The following DNAH14 variants were observed in gnomAD, a reference collection of about 807,000 sequenced individuals.
DNAH14 encodes the protein dynein axonemal heavy chain 14.
A neutral mutation model predicts 520.9 loss-of-function variants in DNAH14; 478 were observed. The observed-to-expected ratio is 0.92, with a 90% CI of 0.85 to 0.99. DNAH14 has a LOEUF of 0.99. Ranked by LOEUF, DNAH14 falls within the 50% of genes least tolerant of loss-of-function variation. DNAH14 has a pLI of 0.00. For missense variants in DNAH14, 4,831 were observed against 5,234.5 expected, an observed-to-expected ratio of 0.92 and a Z score of 2.38; for synonymous variants, 1,581 against 1,757.2, an observed-to-expected ratio of 0.90 and a Z score of 2.51.
At chr1:225,020,105 C>T (rs1361176958) in intron 10 of DNAH14, among the ~76,000 whole-genome samples, 2 of 151,942 alleles carry the variant, frequency 1.3e-5, no homozygotes, top group African/African-American at 4.8e-5. Context: ...GTTTGATAGC[C>T]TGGTGCCTAG....
intron 52 of DNAH14, among the ~76,000 whole-genome samples, chr1:225,274,197 ATTTTTTTTT>A (rs869247051): frequency 0.042 from 3,864 of 93,032 alleles, 178 homozygotes; most frequent in African/African-American, 0.14. Flanking sequence ...AGCATCTGTT[ATTTTTTTTT>A]TTTTTTTTTT....
intron 64 of DNAH14, among the ~76,000 whole-genome samples, chr1:225,330,028 A>G (rs2094760309): frequency 6.6e-6 from 1 of 152,216 alleles, no homozygotes; most frequent in Non-Finnish European, 1.5e-5. Context: ...AGACATACCA[A>G]TGGCAAAAAG....
Position 225,240,704 on chromosome 1 carries a change from A to C in DNAH14, c.6630A>C (p.Glu2210Asp). Reference sequence around the variant, plus strand: ...CATTTGGAGGAGCTTTAAACCGTGAAGATGAACACAGAGAAAATATACCAT... The same window carrying C: ...CATTTGGAGGAGCTTTAAACCGTGACGATGAACACAGAGAAAATATACCAT... ...TWAFGGALNR[E>D]DEHRENIPFC... Residue 2210 changes from glutamate (E) to aspartate (D), a missense_variant, in exon 43 of 86, where the codon GAA (glutamate) becomes GAC (aspartate). By Grantham distance (45) the Glu-to-Asp change is conservative (BLOSUM62 2). Coordinates refer to ENST00000682510, the MANE Select transcript of DNAH14 (RefSeq NM_001367479.1). 1 of 1,551,126 alleles carries C rather than the reference A, an allele frequency of 6.4e-7. No homozygotes were observed. Among genetic ancestry groups the C allele is most frequent in the South Asian group, 1.2e-5 (1 of 84,040 alleles).
chr1:225,332,971 T>C (rs889126174), intron 65 of DNAH14, among the ~76,000 whole-genome samples: 5 of 152,186 alleles, frequency 3.3e-5, no homozygotes, highest in African/African-American at 1.2e-4. Flanking sequence ...GCCACTGCAC[T>C]CCAGCCTAGG....
At chr1:225,199,386 T>C (rs2086534554) in intron 38 of DNAH14, among the ~76,000 whole-genome samples, 1 of 152,150 alleles carries the variant, frequency 6.6e-6, no homozygotes, top group Admixed American at 6.5e-5. Context: ...AGATTTGGGT[T>C]TGGTTTGTTC....
At chr1:225,335,544 C>CATATATACATATATACATAT (rs770315671) in intron 66 of DNAH14, among the ~76,000 whole-genome samples, 1 of 75,734 alleles carries the variant, frequency 1.3e-5, no homozygotes, top group Non-Finnish European at 2.4e-5. Context: ...TACATATATA[C>CATATATACATATATACATAT]GTATATACAT....
chr1:225,069,635 C>G (rs2071311245), intron 17 of DNAH14, among the ~76,000 whole-genome samples: 1 of 152,026 alleles, frequency 6.6e-6, no homozygotes, highest in Non-Finnish European at 1.5e-5. Context: ...GACTTTTGCA[C>G]TGGTGTTCAT....
chr1:225,312,389 A>G (rs1480961632), intron 60 of DNAH14, among the ~76,000 whole-genome samples: 5 of 152,130 alleles, frequency 3.3e-5, no homozygotes, highest in Admixed American at 2.0e-4. Flanking sequence ...GTCATCTGCA[A>G]ACAGAGACAA....
At chr1:224,972,707 C>T (rs1276859330) in intron 7 of DNAH14, among the ~76,000 whole-genome samples, 14 of 152,108 alleles carry the variant, frequency 9.2e-5, no homozygotes, top group Non-Finnish European at 1.5e-4. Context: ...CCTTGTGATC[C>T]GCCTGCCTTG....
At chr1:225,350,742 G>A (rs1390562168) in intron 71 of DNAH14, among the ~76,000 whole-genome samples, 4 of 151,312 alleles carry the variant, frequency 2.6e-5, no homozygotes, top group Admixed American at 6.6e-5. Context: ...AGATTGAACT[G>A]GTAATCAAAC....
At chr1:225,335,379 A>ACATGTGTG (rs1558428129) in intron 66 of DNAH14, among the ~76,000 whole-genome samples, 16 of 44,512 alleles carry the variant, frequency 3.6e-4, no homozygotes, top group South Asian at 9.0e-4. Flanking sequence ...ATGTGTGTGT[A>ACATGTGTG]TATGCACATA....
At chr1:225,078,843 CCTCTCTCTCTCTCTCCCTCTCTCT>C (rs1558883818) in intron 17 of DNAH14, among the ~76,000 whole-genome samples, 3,621 of 52,256 alleles carry the variant, frequency 0.069, 212 homozygotes, top group South Asian at 0.15. Context: ...TCTCTCTCTC[CCTCTCTCTCTCTCTCCCTCTCTCT>C]CTCTCTCTCT....
At chr1:225,356,688 C>A (rs762520990) in intron 73 of DNAH14, among the ~76,000 whole-genome samples, 11 of 152,066 alleles carry the variant, frequency 7.2e-5, no homozygotes, top group Non-Finnish European at 1.3e-4. Context: ...GAAGGAGCCA[C>A]AAGAAACAAT....
chr1:225,225,584 G>A (rs115055289), intron 41 of DNAH14, among the ~76,000 whole-genome samples: 24 of 151,764 alleles, frequency 1.6e-4, no homozygotes, highest in Non-Finnish European at 3.2e-4. Context: ...AAAAAGGAGG[G>A]GAATATGAGT....
intron 8 of DNAH14, among the ~76,000 whole-genome samples, chr1:224,994,571 C>T (rs1299124181): frequency 6.6e-6 from 1 of 151,932 alleles, no homozygotes; most frequent in African/African-American, 2.4e-5. Flanking sequence ...CTTAAAAGTG[C>T]AGTAAATGAG....
intron 8 of DNAH14, among the ~76,000 whole-genome samples, chr1:225,002,082 A>C (rs886159841): frequency 6.6e-6 from 1 of 152,158 alleles, no homozygotes; most frequent in African/African-American, 2.4e-5. Context: ...TATGAGCTTG[A>C]TAACCCTTAA....
At chr1:225,373,365 T>G (rs1255149235) in intron 77 of DNAH14, among the ~76,000 whole-genome samples, 2 of 151,706 alleles carry the variant, frequency 1.3e-5, no homozygotes, top group Non-Finnish European at 2.9e-5. Flanking sequence ...CGCGGGAGGC[T>G]GAGGCAGGAG....
intron 23 of DNAH14, among the ~76,000 whole-genome samples, chr1:225,107,212 G>A (rs1014726346): frequency 3.3e-5 from 5 of 152,200 alleles, no homozygotes; most frequent in Non-Finnish European, 7.3e-5. Flanking sequence ...AACAGCAAAT[G>A]TTGCTGCCTG....
At chr1:225,253,493 AT>A (rs1018478912) in intron 44 of DNAH14, among the ~76,000 whole-genome samples, 16 of 152,050 alleles carry the variant, frequency 1.1e-4, no homozygotes, top group African/African-American at 3.6e-4. Context: ...TCACCATGTA[AT>A]TTTTTTCATG....
Sources: allele counts gnomAD v4.1 joint callset (sites outside exome capture counted in the v4.1 genomes callset), GRCh38; gene constraint gnomAD v4.1.1; transcripts MANE v1.5; gene names NCBI Gene and HGNC (gene_info 2026-07-23, HGNC 2026-07-21).